The following CHODL variants were observed in gnomAD, a reference collection of about 807,000 sequenced individuals.
The protein encoded by CHODL is chondrolectin.
In CHODL, 29 loss-of-function variants were observed where a neutral mutation model predicts 34.5. That is an observed-to-expected ratio of 0.84 (90% CI 0.63 to 1.15). The LOEUF (loss-of-function observed/expected upper bound fraction) is 1.15. Among genes scored for constraint, CHODL ranks in the 50% most tolerant of loss-of-function variants. The pLI is 0.00. For synonymous variants in CHODL, 125 were observed against 116.1 expected (o/e 1.08, Z -0.49); for missense variants, 332 against 332.5 (o/e 1.00, Z 0.01).
At chr21:18,232,941 T>TTTTTTATATATATATA (rs752640406) in intron 2 of CHODL, among the ~76,000 whole-genome samples, 1 of 97,620 alleles carries the variant, frequency 1.0e-5, no homozygotes, top group Non-Finnish European at 1.9e-5. Context: ...CATGATGTTA[T>TTTTTTATATATATATA]GATATATATA....
intron 1 of CHODL, among the ~76,000 whole-genome samples, chr21:18,024,116 T>A (rs544403972): frequency 2.0e-5 from 3 of 152,356 alleles, no homozygotes; most frequent in East Asian, 1.9e-4. Context: ...TTTTCTTTTT[T>A]AAAAATTTTT....
intron 1 of CHODL, among the ~76,000 whole-genome samples, chr21:17,931,752 C>G (rs1055729154): frequency 6.6e-6 from 1 of 152,088 alleles, no homozygotes. Context: ...TTACAAAATA[C>G]AGGCATGAAT....
At chr21:17,977,028 T>A (rs1351283201) in intron 1 of CHODL, among the ~76,000 whole-genome samples, 1 of 152,156 alleles carries the variant, frequency 6.6e-6, no homozygotes, top group Admixed American at 6.6e-5. Context: ...GAACCTGGGG[T>A]TGCAAGCTCC....
At chr21:17,956,727 G>A (rs2063496138) in intron 1 of CHODL, among the ~76,000 whole-genome samples, 1 of 136,002 alleles carries the variant, frequency 7.4e-6, no homozygotes, top group South Asian at 2.9e-4. Flanking sequence ...AAAATTATCT[G>A]GAGTTTTTTC....
chr21:18,015,406 A>G (rs995973691), intron 1 of CHODL, among the ~76,000 whole-genome samples: 1 of 152,086 alleles, frequency 6.6e-6, no homozygotes, highest in Admixed American at 6.5e-5. Flanking sequence ...TGCTTCCTAT[A>G]TAGCTTGTGG....
At chr21:17,962,603 T>C (rs2063539699) in intron 1 of CHODL, among the ~76,000 whole-genome samples, 1 of 152,170 alleles carries the variant, frequency 6.6e-6, no homozygotes, top group African/African-American at 2.4e-5. Flanking sequence ...AGTTATTTTA[T>C]TACCAGATGT....
upstream of CHODL, among the ~76,000 whole-genome samples, chr21:18,240,776 A>G (rs374677063): frequency 7.2e-5 from 11 of 152,306 alleles, no homozygotes; most frequent in South Asian, 1.5e-3. Context: ...AAACATGCAC[A>G]TATATTTATA....
At chr21:18,245,878 C>A in intron 1 of CHODL, 1 of 1,533,412 alleles carries the variant, frequency 6.5e-7, no homozygotes, top group Non-Finnish European at 8.7e-7. Flanking sequence ...TTCCTTTGCA[C>A]ACTGCGTTCC....
intron 2 of CHODL, among the ~76,000 whole-genome samples, chr21:18,186,297 A>G (rs1411885164): frequency 6.6e-6 from 1 of 152,084 alleles, no homozygotes; most frequent in African/African-American, 2.4e-5. Context: ...GACCAGGGAG[A>G]AAAACGTTTG....
intron 2 of CHODL, among the ~76,000 whole-genome samples, chr21:18,152,494 A>G (rs1031401512): frequency 2.6e-5 from 4 of 152,172 alleles, no homozygotes; most frequent in African/African-American, 9.7e-5. Context: ...TTTCAAGCTC[A>G]TTGAAGTTGT....
chr21:18,071,815 A>G (rs1304002159), intron 2 of CHODL, among the ~76,000 whole-genome samples: 7 of 152,264 alleles, frequency 4.6e-5, no homozygotes, highest in Middle Eastern at 3.4e-3. Flanking sequence ...TAATATTCGA[A>G]TTAAGTTTTA....
chr21:17,931,096 G>A (rs1568803379), intron 1 of CHODL, among the ~76,000 whole-genome samples: 1 of 152,180 alleles, frequency 6.6e-6, no homozygotes, highest in African/African-American at 2.4e-5. Flanking sequence ...TCCAACTGCA[G>A]CAACCTTGGC....
chr21:18,154,685 A>G (rs1236807103), intron 2 of CHODL, among the ~76,000 whole-genome samples: 1 of 152,212 alleles, frequency 6.6e-6, no homozygotes, highest in Non-Finnish European at 1.5e-5. Flanking sequence ...TTGAATAACT[A>G]AAGGAAGGAA....
chr21:18,069,960 C>CTTCCT (rs2064776556), intron 2 of CHODL, among the ~76,000 whole-genome samples: 1 of 142,144 alleles, frequency 7.0e-6, no homozygotes, highest in Non-Finnish European at 1.5e-5. Flanking sequence ...CCTCCCTTCC[C>CTTCCT]TTCCTTTTCT....
chr21:18,105,660 G>A (rs1049726520), intron 2 of CHODL, among the ~76,000 whole-genome samples: 1 of 152,130 alleles, frequency 6.6e-6, no homozygotes, highest in Non-Finnish European at 1.5e-5. Context: ...ACATTGAATG[G>A]CCATAGCTAG....
At chr21:18,162,715 A>G (rs1024930673) in intron 2 of CHODL, among the ~76,000 whole-genome samples, 7 of 152,226 alleles carry the variant, frequency 4.6e-5, no homozygotes, top group African/African-American at 1.7e-4. Context: ...AGAATTATAT[A>G]CCATATATTC....
At chr21:18,233,895 G>A (rs761907738) in intron 2 of CHODL, among the ~76,000 whole-genome samples, 5 of 151,982 alleles carry the variant, frequency 3.3e-5, no homozygotes, top group South Asian at 2.1e-4. Context: ...TATTCCAACC[G>A]TAACTTCTTA....
At chr21:17,954,812 T>C (rs2063484268) in intron 1 of CHODL, among the ~76,000 whole-genome samples, 1 of 131,570 alleles carries the variant, frequency 7.6e-6, no homozygotes, top group Non-Finnish European at 1.7e-5. Flanking sequence ...TATTCATAAT[T>C]CTCTCTCTGT....
chr21:18,109,545 C>T lies in CHODL; in HGVS notation c.-45+81574C>T, dbSNP rs144011659. On this transcript the variant is annotated intron_variant, in intron 2 of 6. Coordinates refer to the CHODL transcript ENST00000400127. ...AGGTTGGCATTATGTTTTGGGGGTA[C>T]TTAATTTTGGTCAAGACTTCAGCTG... 7.8e-4 allele frequency among the ~76,000 whole-genome samples: 119 copies of T among 152,190 alleles called. 1 individual carries two copies. The highest frequency in any genetic ancestry group is 2.8e-3 in the African/African-American group (118 of 41,518).
Sources: gnomAD v4.1 joint callset for allele counts (sites outside exome capture counted in the v4.1 genomes callset) on GRCh38, gnomAD v4.1.1 for gene constraint, MANE v1.5 for transcripts, NCBI Gene and HGNC (gene_info 2026-07-23, HGNC 2026-07-21) for gene names.